Variants in LARGE1 observed in about 807,000 individuals in gnomAD.
LARGE1 encodes LARGE xylosyl- and glucuronyltransferase 1, also known as xylosyl- and glucuronyltransferase LARGE1.
A neutral mutation model predicts 87.6 loss-of-function variants in LARGE1; 43 were observed. The ratio of observed to expected loss-of-function variants is 0.49; its 90% CI spans 0.38 to 0.63. The LOEUF (loss-of-function observed/expected upper bound fraction) is 0.63. Ranked by LOEUF, LARGE1 falls within the 30% of genes least tolerant of loss-of-function variation. LARGE1 has a pLI of 0.00. For synonymous variants in LARGE1, 434 were observed against 394.6 expected (o/e 1.10, Z -1.18); for missense variants, 802 against 1,000.2 (o/e 0.80, Z 2.67).
intron 6 of LARGE1, among the ~76,000 whole-genome samples, chr22:33,455,553 G>T (rs567780091): frequency 6.6e-6 from 1 of 152,052 alleles, no homozygotes; most frequent in African/African-American, 2.4e-5. Flanking sequence ...AGAAGTTCAA[G>T]ACCAGCATGG....
At chr22:33,807,475 C>T (rs911777635) in intron 1 of LARGE1, among the ~76,000 whole-genome samples, 1 of 152,176 alleles carries the variant, frequency 6.6e-6, no homozygotes, top group East Asian at 1.9e-4. Flanking sequence ...TCTCAACATA[C>T]CCCATCAGAG....
chr22:33,272,082 G>T (rs1216954726), downstream of LARGE1, among the ~76,000 whole-genome samples: 1 of 152,176 alleles, frequency 6.6e-6, no homozygotes, highest in African/African-American at 2.4e-5. Flanking sequence ...AAGCAAGGTG[G>T]CTGGGCATGA....
intron 1 of LARGE1, among the ~76,000 whole-genome samples, chr22:33,873,602 G>A (rs2064372043): frequency 1.3e-5 from 2 of 152,128 alleles, no homozygotes; most frequent in African/African-American, 2.4e-5. Flanking sequence ...CACAACCATA[G>A]AACCTGGGAA....
At chr22:33,906,157 A>G (rs1233019368) in intron 1 of LARGE1, among the ~76,000 whole-genome samples, 1 of 152,146 alleles carries the variant, frequency 6.6e-6, no homozygotes, top group Non-Finnish European at 1.5e-5. Context: ...TTAATTAAAT[A>G]AAAATAAAAA....
chr22:33,163,689 G>A (rs1922119256), exon 12 of LARGE1: 1 of 152,354 alleles, frequency 6.6e-6, no homozygotes, highest in Non-Finnish European at 1.5e-5. Flanking sequence ...AGATGGAGAG[G>A]TGATGCTGGA....
chr22:33,778,623 T>C (rs2085322359), intron 1 of LARGE1, among the ~76,000 whole-genome samples: 1 of 152,186 alleles, frequency 6.6e-6, no homozygotes, highest in African/African-American at 2.4e-5. Flanking sequence ...TACCCAAGGT[T>C]TATCCATGTT....
chr22:33,430,573 G>A (rs938979455), intron 7 of LARGE1, among the ~76,000 whole-genome samples: 3 of 152,078 alleles, frequency 2.0e-5, no homozygotes, highest in Non-Finnish European at 4.4e-5. Flanking sequence ...CTGTTTGCCT[G>A]GTAGGCATTA....
At chr22:33,911,041 C>A (rs994666442) in intron 1 of LARGE1, among the ~76,000 whole-genome samples, 6 of 152,202 alleles carry the variant, frequency 3.9e-5, no homozygotes, top group Non-Finnish European at 8.8e-5. Context: ...AGAGTGAGCA[C>A]ATCCCCCTCC....
chr22:33,334,420 AAAC>A (rs1276912845), intron 10 of LARGE1, among the ~76,000 whole-genome samples: 5,253 of 61,700 alleles, frequency 0.085, 431 homozygotes, highest in African/African-American at 0.33. Context: ...AAAAAAAAAA[AAAC>A]AAAAAAAAAA....
chr22:33,636,872 C>T (rs552563275), intron 3 of LARGE1, among the ~76,000 whole-genome samples: 8 of 152,022 alleles, frequency 5.3e-5, no homozygotes, highest in Non-Finnish European at 1.2e-4. Context: ...TGAGATGACT[C>T]GCGTAAAGGG....
chr22:33,594,645 C>T (rs1602621254), intron 5 of LARGE1, among the ~76,000 whole-genome samples: 1 of 152,158 alleles, frequency 6.6e-6, no homozygotes. Context: ...TTGCTCTTGT[C>T]GCCCAGCCTG....
At chr22:33,526,842 AGG>A (rs1181626254) in intron 6 of LARGE1, among the ~76,000 whole-genome samples, 1 of 152,246 alleles carries the variant, frequency 6.6e-6, no homozygotes, top group Non-Finnish European at 1.5e-5. Context: ...ACACAAGGCA[AGG>A]GGTTGTGAAT....
chr22:33,345,609 T>G (rs561794664), intron 9 of LARGE1, among the ~76,000 whole-genome samples: 1 of 152,332 alleles, frequency 6.6e-6, no homozygotes, highest in African/African-American at 2.4e-5. Flanking sequence ...CTATAAAGGC[T>G]GAGTATATGT....
At position 33,900,812 on chromosome 22, in the gene LARGE1, C is replaced by T. The variant is rs374982057; in HGVS notation, c.-83+19183G>A. On this transcript the variant is annotated intron_variant, in intron 1 of 14. Transcript: ENST00000397394. ...CTGTAATCCCAGCACTTTGGGAGGC[C>T]GAGGCAGGCAGATCACCTGAGGTGA... 2.4e-4 allele frequency among the ~76,000 whole-genome samples: 37 copies of T among 152,126 alleles called. 2 individuals are homozygous for T. Among genetic ancestry groups the T allele is most frequent in the Admixed American group, 1.3e-3 (20 of 15,284 alleles).
intron 2 of LARGE1, among the ~76,000 whole-genome samples, chr22:33,751,017 T>C (rs2084295706): frequency 6.6e-6 from 1 of 152,234 alleles, no homozygotes; most frequent in Non-Finnish European, 1.5e-5. Flanking sequence ...TCCTCTCATC[T>C]AAAAACAATG....
At chr22:33,662,567 G>A (rs1221256919) in intron 2 of LARGE1, among the ~76,000 whole-genome samples, 2 of 152,038 alleles carry the variant, frequency 1.3e-5, no homozygotes, top group Admixed American at 6.6e-5. Context: ...TTCACTCTTC[G>A]ATAGTGGAAC....
chr22:33,735,300 T>C (rs762341687), intron 2 of LARGE1, among the ~76,000 whole-genome samples: 1 of 152,208 alleles, frequency 6.6e-6, no homozygotes, highest in South Asian at 2.1e-4. Flanking sequence ...ACCTAAAAAC[T>C]TACTGTTCTT....
At chr22:33,163,871 A>T (rs994049066) in exon 12 of LARGE1, 2 of 152,258 alleles carry the variant, frequency 1.3e-5, no homozygotes, top group African/African-American at 4.8e-5. Flanking sequence ...AGGAAATTCC[A>T]TGCTTAATTG....
At chr22:33,105,570 G>A in the LARGE1 span, 19,073 of 151,890 alleles carry the variant, frequency 0.13, 1,633 homozygotes, top group East Asian at 0.41. Flanking sequence ...CTCTTCCCAC[G>A]GCATCCTTGA....
Sources: gnomAD v4.1 joint callset for allele counts (sites outside exome capture counted in the v4.1 genomes callset) on GRCh38, gnomAD v4.1.1 for gene constraint, MANE v1.5 for transcripts, NCBI Gene and HGNC (gene_info 2026-07-23, HGNC 2026-07-21) for gene names.